USP40: variants seen among roughly 807,000 people sequenced by gnomAD.
USP40 encodes the protein ubiquitin specific peptidase 40.
Under a neutral mutation model 166.2 loss-of-function variants are expected in USP40, and 143 were observed. The ratio of observed to expected loss-of-function variants is 0.86; its 90% CI spans 0.75 to 0.99. USP40 has a LOEUF of 0.99. Among genes scored for constraint, USP40 ranks in the 50% least tolerant of loss-of-function variants. The probability of loss-of-function intolerance (pLI) is 0.00; values close to 1 mark genes in which losing one functional copy is unlikely to be tolerated. For synonymous variants in USP40, 498 were observed against 524.0 expected, an observed-to-expected ratio of 0.95 and a Z score of 0.68; for missense variants, 1,444 against 1,479.7, an observed-to-expected ratio of 0.98 and a Z score of 0.40.
At chr2:233,553,732 T>G (rs2070792673) in intron 6 of USP40, among the ~76,000 whole-genome samples, 1 of 152,230 alleles carries the variant, frequency 6.6e-6, no homozygotes. Context: ...TACTGATATA[T>G]GAATGTGATG....
At chr2:233,483,309 G>A (rs995382793) in intron 30 of USP40, among the ~76,000 whole-genome samples, 11 of 152,082 alleles carry the variant, frequency 7.2e-5, no homozygotes, top group African/African-American at 2.4e-4. Flanking sequence ...GGGCAACACG[G>A]CATAACCCCG....
intron 18 of USP40, among the ~76,000 whole-genome samples, chr2:233,517,459 A>T (rs2067302378): frequency 7.0e-6 from 1 of 143,270 alleles, no homozygotes; most frequent in African/African-American, 2.6e-5. Flanking sequence ...ATCTCGGCTC[A>T]CTACAAGCTC....
chr2:233,542,116 T>C (rs1304810170), intron 9 of USP40, among the ~76,000 whole-genome samples, 152 bp downstream of exon 9: 1 of 152,198 alleles, frequency 6.6e-6, no homozygotes, highest in Non-Finnish European at 1.5e-5. Context: ...CATTAAAATA[T>C]AGATACAGAG....
In USP40 at chr2:233,565,390, A is replaced by C; in HGVS notation, c.165T>G (p.Leu55=). ...NQGGTCYLNS[L]LQTLHFTPEF... Reference sequence around the variant, plus strand: ...CAGGTGTGAAATGAAGAGTCTGAAGAAGGGAATTGAGGTAACAGGTTCCAC... The same window carrying C: ...CAGGTGTGAAATGAAGAGTCTGAAGCAGGGAATTGAGGTAACAGGTTCCAC... Residue 55 remains leucine (L), a synonymous_variant, in exon 2 of 32, where the codon CTT becomes CTG. Coordinates refer to ENST00000678225, the MANE Select transcript of USP40 (RefSeq NM_001365479.2). 6.5e-7 allele frequency: 1 copy of C among 1,537,312 alleles called. No individual in the cohort carries two copies. The highest frequency in any genetic ancestry group is 8.7e-7 in the Non-Finnish European group (1 of 1,146,858).
In USP40 at chr2:233,540,671, T is replaced by C. The variant is rs776013817; in HGVS notation, c.1161A>G (p.Pro387=). The C allele has an allele frequency of 2.5e-6, 4 of 1,608,966 alleles. No homozygotes were observed. Among genetic ancestry groups the C allele is most frequent in the South Asian group, 1.1e-5 (1 of 90,410 alleles). Residue 387 remains proline, a synonymous_variant, in exon 10 of 32, where the codon CCA becomes CCG. Transcript: ENST00000678225. ...WNKKYRKQHG[P]LRKFLQLHSQ... ...CGATGCCATGTATTACCTTCCGCAG[T>C]GGTCCATGCTGTTTTCTGTACTTCT...
At chr2:233,487,947 C>A (rs150548224) in intron 28 of USP40, 1 of 608,330 alleles carries the variant, frequency 1.6e-6, no homozygotes, top group African/African-American at 1.8e-5. Context: ...AACACACTGA[C>A]AACAGCTGCG....
In USP40 at chr2:233,551,533, A is replaced by C. The variant is rs1008843353; in HGVS notation, c.694-14T>G. The C allele has an allele frequency of 6.4e-7, 1 of 1,572,232 alleles. No individual in the cohort carries two copies. The highest frequency in any genetic ancestry group is 1.4e-5 in the African/African-American group (1 of 72,896). ...TAATTTGGCCGACTGTTAAAAGAAA[A>C]ATTTACAAAGCTTTTTAAAAACAGG... On this transcript the variant is annotated splice_polypyrimidine_tract_variant and intron_variant, in intron 6 of 31. Coordinates refer to ENST00000678225, the MANE Select transcript of USP40 (RefSeq NM_001365479.2).
chr2:233,494,950 A>T lies in USP40; in HGVS notation c.2791-1399T>A, dbSNP rs796345264. 8.4e-3 allele frequency among the ~76,000 whole-genome samples: 253 copies of T among 30,046 alleles called. 7 individuals are homozygous for T. Among genetic ancestry groups the T allele is most frequent in the African/African-American group, 0.052 (229 of 4,426 alleles). 19.7% of individuals were successfully genotyped at this position (30,046 alleles called of 152,430 possible). ...TATATATATATATATATATATATAT[A>T]TATATTTATATATATATATATATAT... On this transcript the variant is annotated intron_variant, in intron 24 of 31. Transcript: ENST00000678225.
rs761785282 is a variant in USP40 at position 233,499,907 on chromosome 2, CT to C, written c.2621del (p.Lys874SerfsTer2). 1.9e-6 allele frequency: 3 copies of C among 1,611,994 alleles called. No individual in the cohort carries two copies. Among genetic ancestry groups the C allele is most frequent in the Non-Finnish European group, 2.5e-6 (3 of 1,179,022 alleles). On this transcript the variant is annotated frameshift_variant, in exon 22 of 32. Transcript: ENST00000678225. LOFTEE classifies it high-confidence loss of function. ...EETISVRDCL[K>X]LMLKKSGLQG... ...GTAGGCCAGATTTCTTCAGCATTAA[CT>C]TTAAACACTGTAAAGAAAAACAATG...
At chr2:233,492,274 G>A (rs937277034) in intron 25 of USP40, among the ~76,000 whole-genome samples, 2 of 152,190 alleles carry the variant, frequency 1.3e-5, no homozygotes, top group Non-Finnish European at 2.9e-5. Flanking sequence ...CATAGCCTAG[G>A]TGTGTAGGAG....
intron 13 of USP40, among the ~76,000 whole-genome samples, chr2:233,526,872 G>GT (rs1408527919): frequency 6.6e-6 from 1 of 152,164 alleles, no homozygotes; most frequent in African/African-American, 2.4e-5. Flanking sequence ...TGAAAGCAGT[G>GT]TAAGTAAAAT....
rs759874639 is a variant in USP40 at position 233,533,767 on chromosome 2, G to A, written c.1183C>T (p.His395Tyr). The A allele has an allele frequency of 6.3e-7, 1 of 1,595,612 alleles. No homozygotes were observed. The highest frequency in any genetic ancestry group is 1.1e-5 in the South Asian group (1 of 88,900). Residue 395 changes from histidine to tyrosine, a missense_variant, in exon 11 of 32, where the codon CAT (histidine) becomes TAT (tyrosine). By Grantham distance (83) the His-to-Tyr change is moderately conservative. Coordinates refer to ENST00000678225, the MANE Select transcript of USP40 (RefSeq NM_001365479.2). ...HGPLRKFLQL[H>Y]SQIFLLSSDE... ...GAACTGAGTAGAAATATCTGAGAAT[G>A]GAGCTGTAAGAACTACACAGAAACA...
intron 18 of USP40, among the ~76,000 whole-genome samples, chr2:233,513,275 C>T (rs1444660507): frequency 6.6e-6 from 1 of 152,130 alleles, no homozygotes; most frequent in African/African-American, 2.4e-5. Context: ...GTAGCTGCTG[C>T]TTCTATAACT....
chr2:233,501,102 G>A (rs2066049486), intron 21 of USP40, among the ~76,000 whole-genome samples: 1 of 152,150 alleles, frequency 6.6e-6, no homozygotes, highest in Non-Finnish European at 1.5e-5. Context: ...ACTAAAATAT[G>A]GTGGATGAAT....
chr2:233,549,269 T>C, intron 7 of USP40, 40 bp from the exon 8 acceptor site: 1 of 1,187,816 alleles, frequency 8.4e-7, no homozygotes, highest in Non-Finnish European at 1.2e-6. Context: ...ATAGTTTTCA[T>C]AAAATGCTGA....
chr2:233,494,958 A>ATATATATT (rs2065633081), intron 24 of USP40, among the ~76,000 whole-genome samples: 1 of 51,274 alleles, frequency 2.0e-5, no homozygotes, highest in African/African-American at 1.1e-4. Context: ...ATATATATTT[A>ATATATATT]TATATATATA....
intron 7 of USP40, 136 bp from the exon 8 acceptor site, chr2:233,549,365 A>T (rs2070323565): frequency 3.2e-6 from 2 of 623,188 alleles, no homozygotes; most frequent in Non-Finnish European, 5.1e-6. Context: ...GATGAATTCA[A>T]GTAATTGGCT....
intron 16 of USP40, among the ~76,000 whole-genome samples, chr2:233,522,189 T>G (rs2067704983): frequency 6.6e-6 from 1 of 152,166 alleles, no homozygotes; most frequent in South Asian, 2.1e-4. Context: ...ATACAACTAC[T>G]TATCTACAAA....
chr2:233,484,752 G>A (rs1194513689), intron 30 of USP40, among the ~76,000 whole-genome samples: 1 of 152,126 alleles, frequency 6.6e-6, no homozygotes, highest in Non-Finnish European at 1.5e-5. Flanking sequence ...CAAAGTGTTG[G>A]CATTACAGGC....
Sources: gnomAD v4.1 joint callset for allele counts (sites outside exome capture counted in the v4.1 genomes callset) on GRCh38, gnomAD v4.1.1 for gene constraint, MANE v1.5 for transcripts, NCBI Gene and HGNC (gene_info 2026-07-23, HGNC 2026-07-21) for gene names.